Variants in DST observed in about 807,000 individuals in gnomAD.
The protein encoded by DST is dystonin.
DST carries 253 observed loss-of-function variants against 875.2 expected under a neutral mutation model. The ratio of observed to expected loss-of-function variants is 0.29; its 90% CI spans 0.26 to 0.32. The LOEUF (loss-of-function observed/expected upper bound fraction) is 0.32. DST is among the 10% of genes least tolerant of loss of function. The pLI is 1.00. For synonymous variants in DST, 3,124 were observed against 3,197.1 expected (o/e 0.98, Z 0.77); for missense variants, 8,287 against 9,111.6 (o/e 0.91, Z 3.68).
chr6:56,556,294 G>A (rs1013546572), intron 59 of DST, among the ~76,000 whole-genome samples: 1 of 152,014 alleles, frequency 6.6e-6, no homozygotes, highest in South Asian at 2.1e-4. Flanking sequence ...AGTTGCAAAG[G>A]TTTTTGTAAC....
chr6:56,514,578 TACACACAC>T (rs766261479), intron 72 of DST, among the ~76,000 whole-genome samples: 170 of 145,140 alleles, frequency 1.2e-3, no homozygotes, highest in African/African-American at 4.2e-3. Context: ...CACAGGCGTA[TACACACAC>T]ACACACACAC....
intron 5 of DST, among the ~76,000 whole-genome samples, chr6:56,727,794 T>A (rs1223204728): frequency 6.6e-6 from 1 of 152,254 alleles, no homozygotes; most frequent in Non-Finnish European, 1.5e-5. Flanking sequence ...CATTTCTTCT[T>A]CATGATTCAA....
At position 56,750,136 on chromosome 6, in the gene DST, T is replaced by C. The variant is rs73457709; in HGVS notation, c.626-14847A>G. 1.2e-3 allele frequency among the ~76,000 whole-genome samples: 186 copies of C among 152,288 alleles called. 1 individual carries two copies. The highest frequency in any genetic ancestry group is 4.3e-3 in the African/African-American group (178 of 41,546). Reference sequence around the variant, plus strand: ...CTTCTCTCTGAGGCTTAATTCCTCTTGGTAAAAAGATCTTCAAACCTGTTT... The same window carrying C: ...CTTCTCTCTGAGGCTTAATTCCTCTCGGTAAAAAGATCTTCAAACCTGTTT... On this transcript the variant is annotated intron_variant, in intron 4 of 103. Coordinates refer to ENST00000680361, the MANE Select transcript of DST (RefSeq NM_001374736.1).
At chr6:56,694,689 T>C (rs759524150) in intron 9 of DST, among the ~76,000 whole-genome samples, 12 of 152,274 alleles carry the variant, frequency 7.9e-5, no homozygotes, top group Admixed American at 1.3e-4. Context: ...GTTTAGATAT[T>C]TGTCCCCTCC....
At position 56,843,273 on chromosome 6, in the gene DST, A is replaced by G. The variant is rs79944930; in HGVS notation, c.625+8124T>C. ...AGGAAGGAGCAGCACGCTGGGGAGA[A>G]GCACGGAAGCCGAAGACGCAGAGCG... On this transcript the variant is annotated intron_variant, in intron 4 of 103. Coordinates refer to ENST00000680361, the MANE Select transcript of DST (RefSeq NM_001374736.1). The G allele has an allele frequency of 2.0e-3, 2,494 of 1,253,528 alleles. 51 individuals carry two copies. In the African/African-American group the frequency reaches 0.036, roughly 18 times the overall value. The allele number at this position is 1,253,528 out of a possible 1,614,324, so 77.7% of individuals were successfully genotyped here.
intron 85 of DST, among the ~76,000 whole-genome samples, chr6:56,491,930 T>TA (rs1359156670): frequency 1.3e-5 from 2 of 151,406 alleles, no homozygotes; most frequent in East Asian, 1.9e-4. Flanking sequence ...ACAAACCCAA[T>TA]AAAAAAAAAT....
intron 4 of DST, among the ~76,000 whole-genome samples, chr6:56,803,474 C>T (rs1265877858): frequency 6.6e-6 from 1 of 152,160 alleles, no homozygotes; most frequent in Non-Finnish European, 1.5e-5. Flanking sequence ...TTAATGGGAC[C>T]ATGTGAGTAC....
At chr6:56,924,000 T>C (rs1805658978) in intron 2 of DST, among the ~76,000 whole-genome samples, 1 of 152,144 alleles carries the variant, frequency 6.6e-6, no homozygotes, top group Admixed American at 6.5e-5. Flanking sequence ...GGTACATGCC[T>C]GTAGTCACAG....
intron 3 of DST, among the ~76,000 whole-genome samples, chr6:56,895,150 C>T (rs1405763373): frequency 6.5e-5 from 5 of 76,614 alleles, no homozygotes; most frequent in Non-Finnish European, 1.2e-4. Context: ...GCTGGCCGGG[C>T]GGGGGGCTGA....
At chr6:56,727,830 T>A (rs2099471851) in intron 5 of DST, among the ~76,000 whole-genome samples, 2 of 152,216 alleles carry the variant, frequency 1.3e-5, no homozygotes, top group African/African-American at 4.8e-5. Context: ...TATTTTGGCA[T>A]AATGCAATGG....
chr6:56,511,440 C>T (rs369440076), intron 72 of DST, 40 bp from the exon 73 acceptor site: 2 of 1,529,160 alleles, frequency 1.3e-6, no homozygotes, highest in South Asian at 2.4e-5. Context: ...CTCAGGGTCA[C>T]ACCTCCATAT....
At position 56,526,440 on chromosome 6, in the gene DST, T is replaced by C. The variant is rs2096798396; in HGVS notation, c.18050A>G (p.Asn6017Ser). 4 of 1,613,738 alleles carry C rather than the reference T, an allele frequency of 2.5e-6. No homozygotes were observed. The highest frequency in any genetic ancestry group is 3.4e-6 in the Non-Finnish European group (4 of 1,179,808). Residue 6017 changes from asparagine to serine, a missense_variant, in exon 69 of 104, where the codon AAT becomes AGT. By Grantham distance (46) the Asn-to-Ser change is conservative (BLOSUM62 1). Transcript: ENST00000680361. ...EGLEKMVAED[N>S]ERYRLVSDTI... ...GTCGCTCACTAATCGGTAGCGCTCA[T>C]TGTCCTCAGCTACCATTTTCTCAAG... is the stretch of plus-strand genomic sequence containing the variant.
intron 3 of DST, among the ~76,000 whole-genome samples, chr6:56,866,045 G>A (rs1773900706): frequency 1.3e-5 from 2 of 151,960 alleles, no homozygotes; most frequent in Admixed American, 6.5e-5. Context: ...GGAGTGCAGA[G>A]TGTAGTGGCG....
intron 9 of DST, among the ~76,000 whole-genome samples, chr6:56,674,379 C>A (rs2099117730): frequency 6.6e-6 from 1 of 151,984 alleles, no homozygotes; most frequent in South Asian, 2.1e-4. Context: ...CTCACTGCAA[C>A]CTCCACCTCC....
At chr6:56,841,057 C>G (rs2099799328) in intron 4 of DST, among the ~76,000 whole-genome samples, 1 of 152,156 alleles carries the variant, frequency 6.6e-6, no homozygotes, top group South Asian at 2.1e-4. Context: ...AAGTGAGCAA[C>G]CGTACTCTGA....
Position 56,946,149 on chromosome 6 carries a change from G to C in DST, c.216+7636C>G, listed in dbSNP as rs117782492. Among the ~76,000 whole-genome samples, 199 of 152,288 alleles carry C rather than the reference G, an allele frequency of 1.3e-3. 3 individuals are homozygous for C. In the East Asian group the frequency reaches 0.037, roughly 28 times the overall value. On this transcript the variant is annotated intron_variant, in intron 2 of 103. Coordinates refer to ENST00000680361, the MANE Select transcript of DST (RefSeq NM_001374736.1). ...GAAGAGGATTCAGTGCAGAAACAGA[G>C]AGAGCCAGGGCCAGAAAGGGGCAGG...
intron 53 of DST, among the ~76,000 whole-genome samples, chr6:56,570,800 A>C (rs1158404938): frequency 6.6e-6 from 1 of 152,246 alleles, no homozygotes; most frequent in Admixed American, 6.5e-5. Flanking sequence ...ATAAACTCTA[A>C]GAATACACAA....
chr6:56,725,098 A>G (rs768919693), intron 5 of DST, among the ~76,000 whole-genome samples: 5 of 152,190 alleles, frequency 3.3e-5, no homozygotes, highest in Non-Finnish European at 5.9e-5. Flanking sequence ...AAGGCCTAGA[A>G]AGGTTCAAAG....
intron 2 of DST, among the ~76,000 whole-genome samples, chr6:56,923,073 T>A (rs1413226463): frequency 6.6e-6 from 1 of 152,106 alleles, no homozygotes; most frequent in Non-Finnish European, 1.5e-5. Context: ...ACTATCAAAG[T>A]GAGTTAAAAT....
Sources: allele counts gnomAD v4.1 joint callset (sites outside exome capture counted in the v4.1 genomes callset), GRCh38; gene constraint gnomAD v4.1.1; transcripts MANE v1.5; gene names NCBI Gene and HGNC (gene_info 2026-07-23, HGNC 2026-07-21).